Variants in XRCC4 observed in about 807,000 individuals in gnomAD.
XRCC4 encodes the protein DNA repair protein XRCC4.
XRCC4 carries 28 observed loss-of-function variants against 39.1 expected under a neutral mutation model. That is an observed-to-expected ratio of 0.72 (90% CI 0.53 to 0.98). The LOEUF (loss-of-function observed/expected upper bound fraction) is 0.98. Ranked by LOEUF, XRCC4 falls within the 50% of genes least tolerant of loss-of-function variation. The pLI is 0.00. For missense variants in XRCC4, 350 were observed against 376.4 expected (o/e 0.93, Z 0.58); for synonymous variants, 123 against 126.4 (o/e 0.97, Z 0.18).
At chr5:83,230,869 T>C (rs1350786311) in intron 6 of XRCC4, among the ~76,000 whole-genome samples, 1 of 152,030 alleles carries the variant, frequency 6.6e-6, no homozygotes, top group African/African-American at 2.4e-5. Flanking sequence ...CTTGAACTAC[T>C]AGTTCTTTGT....
At chr5:83,360,573 T>C in the XRCC4 span, among the ~76,000 whole-genome samples, 19 of 152,218 alleles carry the variant, frequency 1.2e-4, no homozygotes, top group African/African-American at 4.6e-4. Context: ...TATGCCAGTT[T>C]TGAGCCTTGA....
At chr5:83,349,416 T>A (rs890767988) in intron 7 of XRCC4, among the ~76,000 whole-genome samples, 4 of 152,242 alleles carry the variant, frequency 2.6e-5, no homozygotes, top group Admixed American at 2.0e-4. Flanking sequence ...AAAACTTTTT[T>A]AAGAGTTGTG....
At chr5:83,302,964 G>A (rs1755342824) in intron 7 of XRCC4, among the ~76,000 whole-genome samples, 1 of 152,196 alleles carries the variant, frequency 6.6e-6, no homozygotes, top group Non-Finnish European at 1.5e-5. Flanking sequence ...TGTAATCCCA[G>A]CACTTTGGGA....
At chr5:83,316,655 A>G (rs1214653777) in intron 7 of XRCC4, among the ~76,000 whole-genome samples, 3 of 129,090 alleles carry the variant, frequency 2.3e-5, no homozygotes, top group African/African-American at 2.9e-5. Context: ...GGAGCTAACT[A>G]TCCTAAATAT....
intron 7 of XRCC4, among the ~76,000 whole-genome samples, chr5:83,342,293 A>C (rs1238688379): frequency 6.6e-6 from 1 of 152,188 alleles, no homozygotes; most frequent in Non-Finnish European, 1.5e-5. Flanking sequence ...GGATATGTTT[A>C]CCTTAGTGGT....
At chr5:83,209,231 G>GAGAA (rs1751541801) in intron 6 of XRCC4, among the ~76,000 whole-genome samples, 1 of 151,900 alleles carries the variant, frequency 6.6e-6, no homozygotes, top group Non-Finnish European at 1.5e-5. Context: ...CCTATCTAAG[G>GAGAA]AGAAACATTG....
intron 7 of XRCC4, among the ~76,000 whole-genome samples, chr5:83,313,060 C>CT (rs1755758246): frequency 7.2e-6 from 1 of 139,828 alleles, no homozygotes; most frequent in African/African-American, 2.6e-5. Flanking sequence ...AAAAATGTCT[C>CT]TTTTTTCTTT....
At chr5:83,321,755 G>T (rs1408532051) in intron 7 of XRCC4, among the ~76,000 whole-genome samples, 1 of 151,896 alleles carries the variant, frequency 6.6e-6, no homozygotes, top group Non-Finnish European at 1.5e-5. Flanking sequence ...ATACAGATAA[G>T]ATCATAATTG....
Position 83,204,932 on chromosome 5 carries a change from C to T in XRCC4, c.745+11C>T. On this transcript the variant is annotated intron_variant, in intron 6 of 7. Transcript: ENST00000396027. ...CTGGGTTGGCTTCAGGTAAGAGATACATACATTTATCTCCTCTGTTGAATA... is the reference window on the plus strand; with the variant it reads ...CTGGGTTGGCTTCAGGTAAGAGATATATACATTTATCTCCTCTGTTGAATA... The T allele has an allele frequency of 5.8e-6, 9 of 1,545,470 alleles. No homozygotes were observed. The highest frequency in any genetic ancestry group is 8.0e-6 in the Non-Finnish European group (9 of 1,119,672).
At chr5:83,154,610 T>C (rs1748870364) in intron 3 of XRCC4, among the ~76,000 whole-genome samples, 1 of 152,236 alleles carries the variant, frequency 6.6e-6, no homozygotes, top group African/African-American at 2.4e-5. Flanking sequence ...TGAGTCTTTC[T>C]GGTTTTTCTT....
At chr5:83,208,680 A>G (rs1019391082) in intron 6 of XRCC4, among the ~76,000 whole-genome samples, 1 of 151,972 alleles carries the variant, frequency 6.6e-6, no homozygotes, top group Non-Finnish European at 1.5e-5. Context: ...AGCATGAAAA[A>G]CCTCAAAAAA....
chr5:83,335,447 A>G (rs1013663305), intron 7 of XRCC4, among the ~76,000 whole-genome samples: 1 of 152,026 alleles, frequency 6.6e-6, no homozygotes, highest in African/African-American at 2.4e-5. Context: ...GTACATATCT[A>G]CAAATACAAA....
At chr5:83,225,152 C>G (rs1375191662) in intron 6 of XRCC4, among the ~76,000 whole-genome samples, 1 of 152,078 alleles carries the variant, frequency 6.6e-6, no homozygotes, top group Non-Finnish European at 1.5e-5. Flanking sequence ...CCTCTCAAAT[C>G]TTTGTGTTTG....
chr5:83,245,909 C>T (rs564996087), intron 6 of XRCC4, among the ~76,000 whole-genome samples: 4 of 151,386 alleles, frequency 2.6e-5, no homozygotes, highest in Non-Finnish European at 2.9e-5. Flanking sequence ...ACATTACCTA[C>T]AAGAAATAGA....
intron 6 of XRCC4, among the ~76,000 whole-genome samples, chr5:83,211,861 C>G (rs1163850669): frequency 6.6e-6 from 1 of 152,060 alleles, no homozygotes; most frequent in East Asian, 1.9e-4. Context: ...CAAAAAGCAA[C>G]AGTAGCAAAC....
At chr5:83,160,568 C>T (rs1015772546) in intron 3 of XRCC4, among the ~76,000 whole-genome samples, 3 of 152,128 alleles carry the variant, frequency 2.0e-5, no homozygotes, top group African/African-American at 4.8e-5. Context: ...AAGTGTACCA[C>T]GTGGGATGAT....
chr5:83,136,246 C>T (rs960422678), intron 3 of XRCC4, among the ~76,000 whole-genome samples: 1 of 152,136 alleles, frequency 6.6e-6, no homozygotes, highest in South Asian at 2.1e-4. Context: ...ATCATCTTGT[C>T]TTTAGCAAGC....
chr5:83,168,256 C>T lies in XRCC4; in HGVS notation c.316-27514C>T, dbSNP rs562980574. Among the ~76,000 whole-genome samples, 133 of 151,926 alleles carry T rather than the reference C, an allele frequency of 8.8e-4. No homozygotes were observed. In the Middle Eastern group the frequency reaches 0.01, roughly 12 times the overall value. ...AATATAAGTAAGATAATTTTATTAT[C>T]GTACCAATAATACACTTGAAGGAAA... On this transcript the variant is annotated intron_variant, in intron 3 of 7. Transcript: ENST00000396027.
At chr5:83,139,449 G>T (rs1360887834) in intron 3 of XRCC4, among the ~76,000 whole-genome samples, 2 of 152,064 alleles carry the variant, frequency 1.3e-5, no homozygotes, top group Admixed American at 1.3e-4. Flanking sequence ...TTCTCCTTTT[G>T]TAATTAATAA....
Sources: allele counts gnomAD v4.1 joint callset (sites outside exome capture counted in the v4.1 genomes callset), GRCh38; gene constraint gnomAD v4.1.1; transcripts MANE v1.5; gene names NCBI Gene and HGNC (gene_info 2026-07-23, HGNC 2026-07-21).